Variants in LRMDA observed in about 807,000 individuals in gnomAD.
The protein encoded by LRMDA is leucine rich melanocyte differentiation associated, also known as leucine-rich melanocyte differentiation-associated protein.
LRMDA carries 18 observed loss-of-function variants against 29.8 expected under a neutral mutation model. The ratio of observed to expected loss-of-function variants is 0.60; its 90% confidence interval spans 0.42 to 0.90. The LOEUF (loss-of-function observed/expected upper bound fraction) is 0.90, where lower values mean the gene tolerates loss of function less well. LRMDA is among the 40% of genes least tolerant of loss of function. The pLI, the probability that LRMDA is intolerant of heterozygous loss-of-function variation, is 0.00. For synonymous variants in LRMDA, 125 were observed against 109.4 expected, an observed-to-expected ratio of 1.14 and a Z score of -0.89; for missense variants, 273 against 273.9, an observed-to-expected ratio of 1.00 and a Z score of 0.02.
intron 2 of LRMDA, among the ~76,000 whole-genome samples, chr10:75,665,833 A>G (rs1319974790): frequency 2.0e-5 from 3 of 152,184 alleles, no homozygotes; most frequent in Admixed American, 1.3e-4. Flanking sequence ...ATGCAAAAAA[A>G]TTTTTGCCTC....
chr10:75,962,390 C>T (rs1846784047), intron 2 of LRMDA, among the ~76,000 whole-genome samples: 1 of 152,208 alleles, frequency 6.6e-6, no homozygotes, highest in Non-Finnish European at 1.5e-5. Flanking sequence ...ATTCTCAGGC[C>T]TTAACTTAGC....
chr10:75,758,171 C>G lies in LRMDA; in HGVS notation c.132-277837C>G, dbSNP rs1564560149. ...AGAGGGACCTTCTGAAGCCGGTGTC[C>G]TAATTGGAGGCAAAGGGTGTGAGGG... On this transcript the variant is annotated intron_variant, in intron 2 of 6. Transcript: ENST00000611255. Among the ~76,000 whole-genome samples, 3 of 152,306 alleles carry G rather than the reference C, an allele frequency of 2.0e-5. No homozygotes were observed. The South Asian group carries it at 6.2e-4, about 32-fold the overall frequency.
intron 2 of LRMDA, among the ~76,000 whole-genome samples, chr10:75,457,322 A>G (rs71473777): frequency 0.095 from 14,484 of 152,234 alleles, 894 homozygotes; most frequent in East Asian, 0.22. Context: ...GTATAGGTTG[A>G]CTGAGAAGAG....
intron 2 of LRMDA, among the ~76,000 whole-genome samples, chr10:75,938,610 T>C (rs1430745374): frequency 6.6e-6 from 1 of 152,168 alleles, no homozygotes; most frequent in African/African-American, 2.4e-5. Context: ...TGGCTGTAAT[T>C]TACAGTGTGT....
chr10:75,874,486 T>G (rs905121458), intron 2 of LRMDA, among the ~76,000 whole-genome samples: 5 of 152,196 alleles, frequency 3.3e-5, no homozygotes, highest in Admixed American at 6.5e-5. Flanking sequence ...ACATTTCTCT[T>G]TGTTATATCA....
chr10:76,553,914 C>T (rs1843524475), intron 6 of LRMDA, among the ~76,000 whole-genome samples: 1 of 152,180 alleles, frequency 6.6e-6, no homozygotes. Context: ...CCTGGAGCAG[C>T]CCACAGACTG....
chr10:76,476,278 G>A (rs1000999930), intron 6 of LRMDA, among the ~76,000 whole-genome samples: 4 of 152,020 alleles, frequency 2.6e-5, no homozygotes, highest in African/African-American at 9.7e-5. Context: ...ACACCTCTAC[G>A]CAAATAAACT....
chr10:75,692,500 T>G (rs1589160268), intron 2 of LRMDA, among the ~76,000 whole-genome samples: 1 of 151,298 alleles, frequency 6.6e-6, no homozygotes, highest in African/African-American at 2.4e-5. Context: ...TATATGTATA[T>G]ATGTATACAT....
chr10:75,974,131 CTTCT>C (rs1847029891), intron 2 of LRMDA, among the ~76,000 whole-genome samples: 1 of 152,152 alleles, frequency 6.6e-6, no homozygotes, highest in Non-Finnish European at 1.5e-5. Context: ...CAGTTTTCTT[CTTCT>C]TTCTTCTGTT....
chr10:76,319,409 G>C (rs1304614041), intron 5 of LRMDA, among the ~76,000 whole-genome samples: 1 of 152,280 alleles, frequency 6.6e-6, no homozygotes, highest in African/African-American at 2.4e-5. Context: ...TACTGTTATA[G>C]GTGTTTAGAT....
chr10:76,294,678 A>G (rs1402896393), intron 5 of LRMDA, among the ~76,000 whole-genome samples: 1 of 152,196 alleles, frequency 6.6e-6, no homozygotes, highest in Non-Finnish European at 1.5e-5. Flanking sequence ...CCTGACACCT[A>G]TCAGACAAAA....
At chr10:76,141,908 C>T (rs1190927598) in intron 5 of LRMDA, among the ~76,000 whole-genome samples, 2 of 152,036 alleles carry the variant, frequency 1.3e-5, no homozygotes, top group African/African-American at 2.4e-5. Flanking sequence ...ACTTTAGTTT[C>T]TTTGTCTTTT....
At chr10:76,117,547 G>A (rs1849687242) in intron 5 of LRMDA, among the ~76,000 whole-genome samples, 1 of 152,156 alleles carries the variant, frequency 6.6e-6, no homozygotes. Flanking sequence ...TTTTTGTCAT[G>A]GGTTTCACCT....
At chr10:76,480,946 T>C (rs999126095) in intron 6 of LRMDA, among the ~76,000 whole-genome samples, 1 of 151,940 alleles carries the variant, frequency 6.6e-6, no homozygotes, top group African/African-American at 2.4e-5. Flanking sequence ...ATGGTATGAA[T>C]AATAGGATGA....
chr10:76,281,992 T>G (rs1840212532), intron 5 of LRMDA, among the ~76,000 whole-genome samples: 1 of 152,218 alleles, frequency 6.6e-6, no homozygotes, highest in African/African-American at 2.4e-5. Flanking sequence ...GGGACAGATT[T>G]GCATTTTTTG....
chr10:75,464,604 C>T (rs568010419), intron 2 of LRMDA, among the ~76,000 whole-genome samples: 1 of 152,320 alleles, frequency 6.6e-6, no homozygotes, highest in East Asian at 1.9e-4. Flanking sequence ...TGAGGATCTG[C>T]TGCTGGGGCT....
In LRMDA at chr10:76,428,399, T is replaced by G. The variant is rs1842152968; in HGVS notation, c.601+103914T>G. Among the ~76,000 whole-genome samples the G allele has an allele frequency of 3.3e-5, 5 of 152,038 alleles. No individual in the cohort carries two copies. The South Asian group carries it at 1.0e-3, about 32-fold the overall frequency. On this transcript the variant is annotated intron_variant, in intron 6 of 6. Transcript: ENST00000611255. ...TCAGGCCCATCTGTGGAGATTGACA[T>G]GGCTTTAACTTCATGATGAAGTTAA...
intron 2 of LRMDA, among the ~76,000 whole-genome samples, chr10:75,703,405 G>A (rs185892518): frequency 2.2e-4 from 33 of 152,342 alleles, no homozygotes; most frequent in Middle Eastern, 3.4e-3. Context: ...AGATAGAGGT[G>A]CCAGTGTGGG....
intron 5 of LRMDA, among the ~76,000 whole-genome samples, chr10:76,106,024 G>A (rs1223396011): frequency 6.6e-6 from 1 of 152,188 alleles, no homozygotes; most frequent in Non-Finnish European, 1.5e-5. Context: ...TGGGATTATA[G>A]GCATGAGCCA....
Sources: gnomAD v4.1 joint callset for allele counts (sites outside exome capture counted in the v4.1 genomes callset) on GRCh38, gnomAD v4.1.1 for gene constraint, MANE v1.5 for transcripts, NCBI Gene and HGNC (gene_info 2026-07-23, HGNC 2026-07-21) for gene names.